The following MGLL variants were observed in gnomAD, a reference collection of about 807,000 sequenced individuals.
MGLL encodes monoglyceride lipase.
In MGLL, 7 loss-of-function variants were observed where a neutral mutation model predicts 29.1. The ratio of observed to expected loss-of-function variants is 0.24; its 90% CI spans 0.14 to 0.45. MGLL has a LOEUF of 0.45. Ranked by LOEUF, MGLL falls within the 20% of genes least tolerant of loss-of-function variation. The pLI, the probability that MGLL is intolerant of heterozygous loss-of-function variation, is 0.99. For missense variants in MGLL, 356 were observed against 413.6 expected (o/e 0.86, Z 1.21); for synonymous variants, 148 against 168.3 (o/e 0.88, Z 0.93).
At chr3:127,728,459 A>T (rs10934819) in intron 3 of MGLL, among the ~76,000 whole-genome samples, 52,916 of 152,062 alleles carry the variant, frequency 0.35, 10,196 homozygotes, top group Non-Finnish European at 0.44. Context: ...TACTCTAGAA[A>T]CAGTCTTGTC....
chr3:127,766,934 G>A (rs930774709), intron 3 of MGLL, among the ~76,000 whole-genome samples: 1 of 152,110 alleles, frequency 6.6e-6, no homozygotes, highest in African/African-American at 2.4e-5. Flanking sequence ...AGCCGAGTGT[G>A]TTGGCATGCC....
At chr3:127,768,170 T>C (rs1205279962) in intron 3 of MGLL, among the ~76,000 whole-genome samples, 1 of 152,198 alleles carries the variant, frequency 6.6e-6, no homozygotes, top group Admixed American at 6.5e-5. Context: ...TTAAAATCCT[T>C]CCCGTAAAGA....
intron 2 of MGLL, among the ~76,000 whole-genome samples, chr3:127,796,917 T>C (rs543624702): frequency 1.3e-5 from 2 of 152,230 alleles, no homozygotes; most frequent in Non-Finnish European, 2.9e-5. Flanking sequence ...TAATTTATCA[T>C]GCTGCTAACA....
At chr3:127,760,949 G>A (rs114958338) in intron 3 of MGLL, among the ~76,000 whole-genome samples, 1,785 of 152,352 alleles carry the variant, frequency 0.012, 42 homozygotes, top group African/African-American at 0.04. Flanking sequence ...CAGAAGTCAT[G>A]GATTTTTCCA....
intron 3 of MGLL, among the ~76,000 whole-genome samples, chr3:127,759,644 A>G (rs1220602622): frequency 6.6e-6 from 1 of 152,190 alleles, no homozygotes; most frequent in Non-Finnish European, 1.5e-5. Flanking sequence ...CTTTACAGAG[A>G]TGCTTTGAGC....
rs200445716 is a variant in MGLL, at chr3:127,753,716, A to AG, written c.262+28072dup. Among the ~76,000 whole-genome samples, 575 of 152,328 alleles carry AG rather than the reference A, an allele frequency of 3.8e-3. 4 individuals carry two copies. The highest frequency in any genetic ancestry group is 0.013 in the African/African-American group (553 of 41,568). ...CTAATAAGGTCGGCATATAGTCTAC[A>AG]GGGGGCAAGAAGAGCAGGAGATGTT... On this transcript the variant is annotated intron_variant, in intron 3 of 7. Transcript: ENST00000265052.
At chr3:127,741,411 G>T (rs921665674) in intron 3 of MGLL, among the ~76,000 whole-genome samples, 4 of 152,244 alleles carry the variant, frequency 2.6e-5, no homozygotes, top group Admixed American at 1.3e-4. Flanking sequence ...CTCCCAGGGG[G>T]CATGGCCCTC....
In MGLL at chr3:127,692,094, ATTTTT is replaced by A. The variant is rs11433015; in HGVS notation, c.*99_*103del. 325 of 708,686 alleles carry A rather than the reference ATTTTT, an allele frequency of 4.6e-4. No individual in the cohort carries two copies. Among genetic ancestry groups the A allele is most frequent in the East Asian group, 1.5e-3 (38 of 24,894 alleles). The allele number at this position is 708,686 out of a possible 1,614,324, so 43.9% of individuals were successfully genotyped here. ...GTGCTAAGGATTTCTCCAATTTCTG[ATTTTT>A]TTTTTTTTTTTTTTTTGGCAAGCCA... On this transcript the variant is annotated 3_prime_UTR_variant, in exon 8 of 8. Transcript: ENST00000265052.
chr3:127,822,080 C>A, intron 1 of MGLL: 4 of 651,972 alleles, frequency 6.1e-6, no homozygotes, highest in Non-Finnish European at 7.8e-6. Flanking sequence ...GTTTTTCCCC[C>A]TTCCCATCTG....
intron 3 of MGLL, among the ~76,000 whole-genome samples, chr3:127,752,962 T>C (rs1360107014): frequency 6.6e-6 from 1 of 152,208 alleles, no homozygotes; most frequent in Non-Finnish European, 1.5e-5. Context: ...GTCATTTTGT[T>C]GTGCCCTTGA....
At chr3:127,755,565 ACT>A (rs2076648919) in intron 3 of MGLL, among the ~76,000 whole-genome samples, 1 of 152,112 alleles carries the variant, frequency 6.6e-6, no homozygotes, top group Admixed American at 6.5e-5. Flanking sequence ...CAGCGGCGAG[ACT>A]CAGTGCAGCC....
chr3:127,820,983 A>G (rs1396631617), intron 2 of MGLL, among the ~76,000 whole-genome samples: 1 of 152,244 alleles, frequency 6.6e-6, no homozygotes, highest in Non-Finnish European at 1.5e-5. Flanking sequence ...CAAGAGGCCT[A>G]CAAAACAGGT....
chr3:127,798,014 G>A (rs2077413603), intron 2 of MGLL, among the ~76,000 whole-genome samples: 1 of 152,120 alleles, frequency 6.6e-6, no homozygotes, highest in Non-Finnish European at 1.5e-5. Flanking sequence ...AGCAGCAAGG[G>A]GTGTGTGACA....
intron 2 of MGLL, among the ~76,000 whole-genome samples, chr3:127,806,996 A>AT (rs2077578718): frequency 6.6e-6 from 1 of 152,192 alleles, no homozygotes; most frequent in African/African-American, 2.4e-5. Flanking sequence ...TATCTGGGTA[A>AT]TAATGACCAC....
At chr3:127,709,474 G>A (rs1469750935) in intron 6 of MGLL, among the ~76,000 whole-genome samples, 2 of 152,098 alleles carry the variant, frequency 1.3e-5, no homozygotes, top group Non-Finnish European at 2.9e-5. Context: ...CACACCACGG[G>A]CTATTCCTCT....
intron 7 of MGLL, 136 bp from the exon 8 acceptor site, chr3:127,692,459 T>C: frequency 9.3e-7 from 1 of 1,078,756 alleles, no homozygotes; most frequent in Non-Finnish European, 1.4e-6. Context: ...GGCCCTGACC[T>C]CCCATTATTA....
intron 5 of MGLL, 110 bp downstream of exon 5, chr3:127,720,943 C>T (rs2075906537): frequency 3.3e-6 from 3 of 911,080 alleles, no homozygotes; most frequent in Non-Finnish European, 5.4e-6. Context: ...GCAATAGTGT[C>T]TGAGGTCCAA....
At chr3:127,780,506 C>A (rs1162985912) in intron 3 of MGLL, among the ~76,000 whole-genome samples, 1 of 152,228 alleles carries the variant, frequency 6.6e-6, no homozygotes, top group Non-Finnish European at 1.5e-5. Context: ...CTCAAACAGT[C>A]TCACAAATAT....
intron 2 of MGLL, among the ~76,000 whole-genome samples, chr3:127,806,314 A>G (rs1345748474): frequency 1.3e-5 from 2 of 152,256 alleles, no homozygotes; most frequent in Non-Finnish European, 2.9e-5. Context: ...CCCAAGATCC[A>G]GCACAAGGCC....
Sources: gnomAD v4.1 joint callset for allele counts (sites outside exome capture counted in the v4.1 genomes callset) on GRCh38, gnomAD v4.1.1 for gene constraint, MANE v1.5 for transcripts, NCBI Gene and HGNC (gene_info 2026-07-23, HGNC 2026-07-21) for gene names.